NDUFC2: variants seen among roughly 807,000 people sequenced by gnomAD.
NDUFC2 encodes NADH:ubiquinone oxidoreductase subunit C2, also known as NADH dehydrogenase [ubiquinone] 1 subunit C2.
NDUFC2 carries 2 observed loss-of-function variants against 10.1 expected under a neutral mutation model. The observed-to-expected ratio is 0.20, with a 90% CI of 0.08 to 0.62. The LOEUF (loss-of-function observed/expected upper bound fraction) is 0.62, where lower values mean the gene tolerates loss of function less well. Ranked by LOEUF, NDUFC2 falls within the 20% of genes least tolerant of loss-of-function variation. The pLI is 0.87. For synonymous variants in NDUFC2, 61 were observed against 63.6 expected (o/e 0.96, Z 0.20); for missense variants, 156 against 159.6 (o/e 0.98, Z 0.12).
intron 2 of NDUFC2, among the ~76,000 whole-genome samples, chr11:78,072,469 C>A (rs1281562256): frequency 2.0e-5 from 3 of 152,166 alleles, no homozygotes; most frequent in Non-Finnish European, 2.9e-5. Context: ...TGAGCCACTG[C>A]GACCAGCCGG....
At chr11:78,070,115 TC>T in intron 2 of NDUFC2, 79 bp from the exon 3 acceptor site, 2 of 1,001,262 alleles carry the variant, frequency 2.0e-6, no homozygotes, top group Admixed American at 4.8e-5. Context: ...AAATTAACAC[TC>T]ACTAATCTTA....
At position 78,073,114 on chromosome 11, in the gene NDUFC2, G is replaced by A. The variant is rs751486475; in HGVS notation, c.194C>T (p.Thr65Met). ...AGLHRQLLYITAFFFAGYYLV... is the reference protein window; with the variant it reads ...AGLHRQLLYIMAFFFAGYYLV... ...ATAATATCCAGCAAAAAAAAAGGCCGTAATATATAGAAGCTGGCGATGCAA... is the reference window on the plus strand; with the variant it reads ...ATAATATCCAGCAAAAAAAAAGGCCATAATATATAGAAGCTGGCGATGCAA... The change falls in exon 2 of 3, where the codon ACG (threonine) becomes ATG (methionine). Residue 65 changes from threonine to methionine, a missense_variant. Coordinates refer to ENST00000281031, the MANE Select transcript of NDUFC2 (RefSeq NM_004549.6). 10 of 1,612,572 alleles carry A rather than the reference G, an allele frequency of 6.2e-6. No homozygotes were observed. The highest frequency in any genetic ancestry group is 6.8e-6 in the Non-Finnish European group (8 of 1,179,736).
chr11:78,075,356 T>A (rs984824932), intron 1 of NDUFC2, among the ~76,000 whole-genome samples: 8 of 152,174 alleles, frequency 5.3e-5, no homozygotes, highest in African/African-American at 1.9e-4. Flanking sequence ...GGAGAGGAAT[T>A]TGAATGTTCC....
At chr11:78,075,143 CAATA>C (rs1469859145) in intron 1 of NDUFC2, among the ~76,000 whole-genome samples, 2 of 152,256 alleles carry the variant, frequency 1.3e-5, no homozygotes, top group East Asian at 3.9e-4. Context: ...AACTAGAGAT[CAATA>C]AATATTTAAT....
chr11:78,079,452 C>A, intron 1 of NDUFC2, 127 bp downstream of exon 1: 1 of 1,347,014 alleles, frequency 7.4e-7, no homozygotes, highest in South Asian at 1.5e-5. Flanking sequence ...CCCGGAAAGG[C>A]GAGATGGGGC....
intron 1 of NDUFC2, among the ~76,000 whole-genome samples, chr11:78,074,968 C>T (rs2136834654): frequency 6.6e-6 from 1 of 152,298 alleles, no homozygotes; most frequent in Non-Finnish European, 1.5e-5. Flanking sequence ...ATGGCTTGGC[C>T]TCTTGCCAAG....
intron 1 of NDUFC2, among the ~76,000 whole-genome samples, chr11:78,076,548 C>T (rs1748640892): frequency 6.6e-6 from 1 of 152,196 alleles, no homozygotes; most frequent in Non-Finnish European, 1.5e-5. Context: ...CAACAAAGTC[C>T]TAGGACCTAA....
In NDUFC2 at chr11:78,068,590, T is replaced by C. The variant is rs538771191; in HGVS notation, c.*1397A>G. 1 of 152,206 alleles carries C rather than the reference T, an allele frequency of 6.6e-6. No individual in the cohort carries two copies. Among genetic ancestry groups the C allele is most frequent in the East Asian group, 1.9e-4 (1 of 5,156 alleles). 9.4% of individuals were successfully genotyped at this position (152,206 alleles called of 1,614,324 possible). A position where few individuals can be genotyped will look rare whatever the true frequency, so the allele number is the denominator to read the frequency against. ...TCACAAGGTCAAGAGATTGAGACCA[T>C]CTTGGCCAACATGGTGAAACCCCGT... On this transcript the variant is annotated 3_prime_UTR_variant, in exon 3 of 3. Coordinates refer to ENST00000281031, the MANE Select transcript of NDUFC2 (RefSeq NM_004549.6).
At chr11:78,072,236 G>A (rs1590777824) in intron 2 of NDUFC2, among the ~76,000 whole-genome samples, 1 of 152,086 alleles carries the variant, frequency 6.6e-6, no homozygotes, top group East Asian at 1.9e-4. Flanking sequence ...GGAGTGCAAT[G>A]GCGCGATCTC....
intron 1 of NDUFC2, among the ~76,000 whole-genome samples, chr11:78,073,936 A>G (rs1243985853): frequency 1.3e-5 from 2 of 151,866 alleles, no homozygotes; most frequent in African/African-American, 4.8e-5. Flanking sequence ...CAGTGGCACA[A>G]TCACAGCTCA....
rs1236676902 is a variant in NDUFC2 at position 78,070,026 on chromosome 11, T to C, written c.321A>G (p.Thr107=). ...GGAATTTTTCAAAAATTTCACCATA[T>C]GTTTTCTTATCTATAAAAGGAAAGA... ...PEDFPEEDKK[T]YGEIFEKFHP... is the part of the protein sequence containing the mutation. Residue 107 remains threonine, a synonymous_variant, in exon 3 of 3, where the codon ACA becomes ACG. Transcript: ENST00000281031. The C allele has an allele frequency of 6.3e-7, 1 of 1,577,412 alleles. No individual in the cohort carries two copies. Among genetic ancestry groups the C allele is most frequent in the Non-Finnish European group, 8.7e-7 (1 of 1,150,760 alleles).
intron 1 of NDUFC2, among the ~76,000 whole-genome samples, chr11:78,077,291 C>CAA (rs56150653): frequency 2.6e-5 from 3 of 113,226 alleles, no homozygotes; most frequent in South Asian, 5.6e-4. Context: ...GACCCTGTCT[C>CAA]AAAAAAAAAA....
chr11:78,071,736 A>G (rs1381246079), intron 2 of NDUFC2, among the ~76,000 whole-genome samples: 2 of 152,238 alleles, frequency 1.3e-5, no homozygotes, highest in Non-Finnish European at 2.9e-5. Flanking sequence ...GCCTGACTGT[A>G]GCTGGGTGAA....
Position 78,069,972 on chromosome 11 carries a change from A to T in NDUFC2, c.*15T>A. On this transcript the variant is annotated 3_prime_UTR_variant, in exon 3 of 3. Transcript: ENST00000281031. Reference sequence around the variant, plus strand: ...AGCAGGTATCAGTGAAACTGGAGCAAGCATTTTGAAGACTTCAACGTATTG... The same window carrying T: ...AGCAGGTATCAGTGAAACTGGAGCATGCATTTTGAAGACTTCAACGTATTG... 1 of 1,612,448 alleles carries T rather than the reference A, an allele frequency of 6.2e-7. No homozygotes were observed. Among genetic ancestry groups the T allele is most frequent in the Non-Finnish European group, 8.5e-7 (1 of 1,179,082 alleles).
In NDUFC2 at chr11:78,069,667, C is replaced by T. The variant is rs1392337614; in HGVS notation, c.*320G>A. 8.7e-6 allele frequency: 5 copies of T among 574,968 alleles called. No homozygotes were observed. Among genetic ancestry groups the T allele is most frequent in the Non-Finnish European group, 1.2e-5 (4 of 332,422 alleles). 35.6% of individuals were successfully genotyped at this position (574,968 alleles called of 1,614,324 possible). ...CTTGCAGCATGGCAGTCGCCATAAA[C>T]AACATGTAAACAAATGAGCATGGCT... On this transcript the variant is annotated 3_prime_UTR_variant, in exon 3 of 3. Transcript: ENST00000281031.
chr11:78,077,984 A>C (rs1353340847), intron 1 of NDUFC2, among the ~76,000 whole-genome samples: 1 of 152,228 alleles, frequency 6.6e-6, no homozygotes, highest in Non-Finnish European at 1.5e-5. Context: ...AAACGGACAA[A>C]GATGACTCCT....
rs1265725179 is a variant in NDUFC2, at chr11:78,073,068, G to A, written c.240C>T (p.Tyr80=). The A allele has an allele frequency of 1.2e-6, 2 of 1,613,944 alleles. No individual in the cohort carries two copies. Among genetic ancestry groups the A allele is most frequent in the East Asian group, 2.2e-5 (1 of 44,884 alleles). ...TTTCACGGTCCCTCACAGCATACAG[G>A]TAGTCTTCACGTTTTACAAGATAAT... The part of the protein sequence containing the change: ...AGYYLVKRED[Y]LYAVRDREMF... The change falls in exon 2 of 3, where the codon TAC becomes TAT. Residue 80 remains tyrosine (Y), a synonymous_variant. Transcript: ENST00000281031.
intron 1 of NDUFC2, among the ~76,000 whole-genome samples, chr11:78,074,255 T>C (rs1246009899): frequency 6.6e-6 from 1 of 152,144 alleles, no homozygotes; most frequent in Admixed American, 6.6e-5. Flanking sequence ...TAGCACTTAA[T>C]ATTTATTTAA....
chr11:78,071,949 C>A (rs894920341), intron 2 of NDUFC2, among the ~76,000 whole-genome samples: 2 of 152,122 alleles, frequency 1.3e-5, no homozygotes, highest in African/African-American at 4.8e-5. Context: ...CACTATTATG[C>A]ATAAGTAAGT....
Sources: gnomAD v4.1 joint callset for allele counts (sites outside exome capture counted in the v4.1 genomes callset) on GRCh38, gnomAD v4.1.1 for gene constraint, MANE v1.5 for transcripts, NCBI Gene and HGNC (gene_info 2026-07-23, HGNC 2026-07-21) for gene names.